Variants in LARGE1 observed in about 807,000 individuals in gnomAD.
LARGE1 encodes the protein xylosyl- and glucuronyltransferase LARGE1.
A neutral mutation model predicts 87.6 loss-of-function variants in LARGE1; 43 were observed. The observed-to-expected ratio is 0.49, with a 90% CI of 0.38 to 0.63. The LOEUF is 0.63. Among genes scored for constraint, LARGE1 ranks in the 30% least tolerant of loss-of-function variants. LARGE1 has a pLI of 0.00. For missense variants in LARGE1, 802 were observed against 1,000.2 expected, an observed-to-expected ratio of 0.80 and a Z score of 2.67; for synonymous variants, 434 against 394.6, an observed-to-expected ratio of 1.10 and a Z score of -1.18.
At chr22:33,652,263 G>A (rs1187333788) in intron 2 of LARGE1, among the ~76,000 whole-genome samples, 1 of 152,066 alleles carries the variant, frequency 6.6e-6, no homozygotes, top group Non-Finnish European at 1.5e-5. Flanking sequence ...CCACAATGGT[G>A]ATGTCAGAAT....
chr22:33,271,263 T>C (rs1456893888), downstream of LARGE1, among the ~76,000 whole-genome samples: 3 of 152,220 alleles, frequency 2.0e-5, no homozygotes, highest in South Asian at 4.1e-4. Context: ...GGAAGTAGCA[T>C]TGCAGGTTAT....
chr22:33,120,200 G>A, the LARGE1 span, among the ~76,000 whole-genome samples: 2 of 151,866 alleles, frequency 1.3e-5, no homozygotes, highest in Non-Finnish European at 2.9e-5. Flanking sequence ...ACACTCTTAA[G>A]TCTTTTCTCA....
At chr22:33,321,972 C>T (rs893385213) in intron 10 of LARGE1, among the ~76,000 whole-genome samples, 5 of 152,122 alleles carry the variant, frequency 3.3e-5, no homozygotes, top group Non-Finnish European at 5.9e-5. Flanking sequence ...GTGCGCACCA[C>T]CATGCCCAGC....
chr22:33,530,515 A>C (rs1254786309), intron 6 of LARGE1, among the ~76,000 whole-genome samples: 1 of 120,308 alleles, frequency 8.3e-6, no homozygotes, highest in African/African-American at 3.2e-5. Context: ...TACTGTTTTT[A>C]TATTTTCCTG....
At chr22:33,677,288 T>TAA (rs779032764) in intron 2 of LARGE1, among the ~76,000 whole-genome samples, 17 of 110,148 alleles carry the variant, frequency 1.5e-4, no homozygotes, top group African/African-American at 1.2e-4. Flanking sequence ...TTTCAGGAGT[T>TAA]AAAAAAAAAA....
chr22:33,365,616 C>CT (rs199897896), intron 9 of LARGE1, among the ~76,000 whole-genome samples: 2,700 of 139,236 alleles, frequency 0.019, 52 homozygotes, highest in African/African-American at 0.054. Flanking sequence ...GCTTTTCTCT[C>CT]TTTTTTTTTT....
At chr22:33,537,964 G>C (rs1447466211) in intron 6 of LARGE1, among the ~76,000 whole-genome samples, 1 of 152,142 alleles carries the variant, frequency 6.6e-6, no homozygotes, top group African/African-American at 2.4e-5. Flanking sequence ...GTAGAAAGAG[G>C]AGGACCTGCG....
intron 1 of LARGE1, among the ~76,000 whole-genome samples, chr22:33,904,031 A>C (rs1278566183): frequency 6.6e-6 from 1 of 152,090 alleles, no homozygotes; most frequent in Non-Finnish European, 1.5e-5. Flanking sequence ...CTTCAGATTA[A>C]TCTTCCTACT....
At chr22:33,531,437 C>T (rs1235890798) in intron 6 of LARGE1, among the ~76,000 whole-genome samples, 2 of 152,168 alleles carry the variant, frequency 1.3e-5, no homozygotes, top group Non-Finnish European at 2.9e-5. Flanking sequence ...GGATTACAGG[C>T]ATGAGCCACC....
chr22:33,151,039 C>A, the LARGE1 span, among the ~76,000 whole-genome samples: 235 of 152,216 alleles, frequency 1.5e-3, 3 homozygotes, highest in Middle Eastern at 3.4e-3. Context: ...TATTTCAGGA[C>A]AATTGATATC....
chr22:33,370,125 T>C (rs2064754365), intron 9 of LARGE1, among the ~76,000 whole-genome samples: 1 of 152,028 alleles, frequency 6.6e-6, no homozygotes, highest in African/African-American at 2.4e-5. Flanking sequence ...ATTAGATAAA[T>C]CATTATGAAG....
At chr22:33,498,279 A>AC (rs1308837601) in intron 6 of LARGE1, among the ~76,000 whole-genome samples, 1 of 152,096 alleles carries the variant, frequency 6.6e-6, no homozygotes, top group African/African-American at 2.4e-5. Context: ...TTCAGATTTA[A>AC]CTTTTTTTGC....
At chr22:33,397,089 C>A (rs1243001976) in intron 7 of LARGE1, among the ~76,000 whole-genome samples, 2 of 152,006 alleles carry the variant, frequency 1.3e-5, no homozygotes, top group East Asian at 3.8e-4. Context: ...AAAAACCTAC[C>A]CAATATCTTG....
intron 6 of LARGE1, among the ~76,000 whole-genome samples, chr22:33,488,530 T>C (rs1451214080): frequency 6.6e-6 from 1 of 152,208 alleles, no homozygotes; most frequent in Non-Finnish European, 1.5e-5. Context: ...CTGGGGTATT[T>C]GGATGGTTTT....
intron 7 of LARGE1, among the ~76,000 whole-genome samples, chr22:33,412,924 G>C (rs764461042): frequency 3.3e-5 from 5 of 152,200 alleles, no homozygotes; most frequent in Non-Finnish European, 7.3e-5. Context: ...GCCTCCCAAA[G>C]TGCTGGGATT....
intron 2 of LARGE1, among the ~76,000 whole-genome samples, chr22:33,671,055 C>T (rs1383785257): frequency 6.6e-6 from 1 of 152,138 alleles, no homozygotes; most frequent in Non-Finnish European, 1.5e-5. Context: ...TGTGATAGGA[C>T]TCAAGCCCTG....
chr22:33,116,286 G>A, the LARGE1 span: 1 of 152,070 alleles, frequency 6.6e-6, no homozygotes, highest in Non-Finnish European at 1.5e-5. Context: ...CAAAAGGAGG[G>A]GAGATTTGCT....
At chr22:33,101,462 C>T in the LARGE1 span, among the ~76,000 whole-genome samples, 143 of 152,202 alleles carry the variant, frequency 9.4e-4, 1 homozygote, top group Non-Finnish European at 4.1e-4. Flanking sequence ...CAAATAGGTT[C>T]GATTGCAAGC....
chr22:33,401,249 T>G (rs890073548), intron 7 of LARGE1, among the ~76,000 whole-genome samples: 1 of 152,186 alleles, frequency 6.6e-6, no homozygotes, highest in Non-Finnish European at 1.5e-5. Context: ...GTTGAAGCTC[T>G]AATCCCCAGC....
Sources: allele counts gnomAD v4.1 joint callset (sites outside exome capture counted in the v4.1 genomes callset), GRCh38; gene constraint gnomAD v4.1.1; transcripts MANE v1.5; gene names NCBI Gene and HGNC (gene_info 2026-07-23, HGNC 2026-07-21).